RUFY1: variants seen among roughly 807,000 people sequenced by gnomAD.
The protein encoded by RUFY1 is RUN and FYVE domain-containing protein 1.
In RUFY1, 54 loss-of-function variants were observed where a neutral mutation model predicts 94.6. The ratio of observed to expected loss-of-function variants is 0.57; its 90% CI spans 0.46 to 0.72. The LOEUF (loss-of-function observed/expected upper bound fraction) is 0.72. Ranked by LOEUF, RUFY1 falls within the 30% of genes least tolerant of loss-of-function variation. The pLI, the probability that RUFY1 is intolerant of heterozygous loss-of-function variation, is 0.00. For missense variants in RUFY1, 883 were observed against 883.9 expected (o/e 1.00, Z 0.01); for synonymous variants, 396 against 347.3 (o/e 1.14, Z -1.56).
intron 6 of RUFY1, among the ~76,000 whole-genome samples, chr5:179,579,370 G>A (rs1401653368): frequency 1.3e-5 from 2 of 150,948 alleles, no homozygotes; most frequent in East Asian, 3.9e-4. Context: ...CGCTCTTATT[G>A]CCCAGGCTGG....
chr5:179,561,678 C>CTTTTTTTTTTTT (rs71001004), intron 2 of RUFY1, among the ~76,000 whole-genome samples: 10 of 64,608 alleles, frequency 1.5e-4, no homozygotes, highest in East Asian at 4.4e-4. Context: ...TTTTTTCTTT[C>CTTTTTTTTTTTT]TTTTTTTTTT....
In RUFY1 at chr5:179,598,837, C is replaced by CCGGG. The variant is rs770458424; in HGVS notation, c.1761+17_1761+20dup. 1.1e-5 allele frequency: 18 copies of CCGGG among 1,613,778 alleles called. No individual in the cohort carries two copies. Among genetic ancestry groups the CCGGG allele is most frequent in the Non-Finnish European group, 1.5e-5 (18 of 1,179,874 alleles). On this transcript the variant is annotated intron_variant, in intron 14 of 17. Transcript: ENST00000319449. ...ACTGAAAAAGGTGAGGTGGGCCATC[C>CCGGG]CGGGAGAGGAGAGCCTCTGGCAGCC...
chr5:179,594,092 AG>A (rs1765337423), intron 11 of RUFY1, among the ~76,000 whole-genome samples: 4 of 151,934 alleles, frequency 2.6e-5, no homozygotes, highest in Admixed American at 2.0e-4. Context: ...TCACGAGGTC[AG>A]GAGTTTGAGA....
chr5:179,582,128 A>G (rs928565396), intron 7 of RUFY1, among the ~76,000 whole-genome samples: 1 of 152,098 alleles, frequency 6.6e-6, no homozygotes, highest in Admixed American at 6.6e-5. Context: ...CATGGTTTTC[A>G]TCCCATAATC....
At chr5:179,562,925 AGGAACTACTG>A (rs536797739) in intron 3 of RUFY1, 90 of 359,522 alleles carry the variant, frequency 2.5e-4, no homozygotes, top group Non-Finnish European at 4.1e-4. Flanking sequence ...CAGGAGGAAA[AGGAACTACTG>A]GTACACTCCT....
chr5:179,574,223 G>A (rs1763445601), intron 5 of RUFY1, among the ~76,000 whole-genome samples: 1 of 151,860 alleles, frequency 6.6e-6, no homozygotes, highest in Non-Finnish European at 1.5e-5. Flanking sequence ...GGTGAAACCT[G>A]GTCTCTACCA....
At position 179,569,303 on chromosome 5, in the gene RUFY1, G is replaced by A. The variant is rs762164654; in HGVS notation, c.706G>A (p.Glu236Lys). 1 of 1,613,842 alleles carries A rather than the reference G, an allele frequency of 6.2e-7. No homozygotes were observed. Among genetic ancestry groups the A allele is most frequent in the Non-Finnish European group, 8.5e-7 (1 of 1,179,962 alleles). Residue 236 changes from glutamate to lysine, a missense_variant and splice_region_variant, in exon 5 of 18, where the codon GAG becomes AAG. Transcript: ENST00000319449. ...VLIDNKHLLS[E>K]FYEPEALMME... ...CCCTGTCCTGTCCATCTCTTTCAGC[G>A]AGTTCTATGAGCCTGAGGCTTTAAT...
At chr5:179,598,362 CAAAAAA>C in intron 13 of RUFY1, 1 of 281,192 alleles carries the variant, frequency 3.6e-6, no homozygotes, top group Non-Finnish European at 6.8e-6. Flanking sequence ...GACCCTGTCT[CAAAAAA>C]AGAAAAGAAC....
At position 179,560,141 on chromosome 5, in the gene RUFY1, G is replaced by C; in HGVS notation, c.427G>C (p.Ala143Pro). The C allele has an allele frequency of 6.2e-7, 1 of 1,614,090 alleles. No individual in the cohort carries two copies. The highest frequency in any genetic ancestry group is 8.5e-7 in the Non-Finnish European group (1 of 1,180,004). Residue 143 changes from alanine (A) to proline (P), a missense_variant, in exon 2 of 18, where the codon GCC (alanine) becomes CCC (proline). Physicochemically the swap from Ala to Pro is conservative, Grantham distance 27 (BLOSUM62 -1). Coordinates refer to ENST00000319449, the MANE Select transcript of RUFY1 (RefSeq NM_025158.5). ...GGGCCGCAGCCTGGATGCGGACCAT[G>C]CCCCCTTGCAGCAGTTCTTTGTAGT... ...SLGRSLDADH[A>P]PLQQFFVVME...
chr5:179,594,386 G>GTAGC (rs1765380060), intron 11 of RUFY1, among the ~76,000 whole-genome samples: 1 of 151,078 alleles, frequency 6.6e-6, no homozygotes, highest in Non-Finnish European at 1.5e-5. Context: ...GGCCACATAG[G>GTAGC]TAGCTGGTTG....
chr5:179,553,560 G>A, intron 1 of RUFY1, among the ~76,000 whole-genome samples: 1 of 151,950 alleles, frequency 6.6e-6, no homozygotes, highest in East Asian at 1.9e-4. Flanking sequence ...GAGGCAGGCA[G>A]ATCACCTGAG....
chr5:179,550,841 T>A lies in RUFY1; in HGVS notation c.272T>A (p.Leu91Gln). 8.2e-7 allele frequency: 1 copy of A among 1,225,864 alleles called. No individual in the cohort carries two copies. The highest frequency in any genetic ancestry group is 1.0e-6 in the Non-Finnish European group (1 of 987,766). The allele number at this position is 1,225,864 out of a possible 1,614,324, so 75.9% of individuals were successfully genotyped here. The change falls in exon 1 of 18, where the codon CTG becomes CAG. Residue 91 changes from leucine (L) to glutamine (Q), a missense_variant. By Grantham distance (113) the Leu-to-Gln change is moderately radical (BLOSUM62 -2). Coordinates refer to ENST00000319449, the MANE Select transcript of RUFY1 (RefSeq NM_025158.5). Reference sequence around the variant, plus strand: ...AGCGCGCTGCGCGCGGCCGCGGGGCTGGGCGGCGGGGACAGCGGGGACGGC... The same window carrying A: ...AGCGCGCTGCGCGCGGCCGCGGGGCAGGGCGGCGGGGACAGCGGGGACGGC... ...CGSALRAAAG[L>Q]GGGDSGDGTA...
chr5:179,566,708 A>C (rs1762858448), intron 3 of RUFY1, among the ~76,000 whole-genome samples: 1 of 152,138 alleles, frequency 6.6e-6, no homozygotes, highest in Non-Finnish European at 1.5e-5. Flanking sequence ...AATGGTTAAC[A>C]TGGTAAATTT....
chr5:179,599,481 T>C (rs905565496), intron 14 of RUFY1: 2 of 152,366 alleles, frequency 1.3e-5, no homozygotes, highest in Non-Finnish European at 1.5e-5. Flanking sequence ...TTCCCCTACA[T>C]CACCTCAGTT....
intron 9 of RUFY1, among the ~76,000 whole-genome samples, chr5:179,591,141 T>G (rs540356850): frequency 2.0e-5 from 3 of 149,178 alleles, no homozygotes; most frequent in Non-Finnish European, 3.0e-5. Context: ...CCTATGAACT[T>G]AACTTTTCAA....
At chr5:179,606,210 CGGAGA>C (rs954516805) in intron 16 of RUFY1, 5 of 498,148 alleles carry the variant, frequency 1.0e-5, no homozygotes, top group African/African-American at 9.8e-5. Flanking sequence ...AAGCAGGTGG[CGGAGA>C]GGAGGGACCC....
chr5:179,607,780 T>C (rs900497590), intron 17 of RUFY1, 121 bp downstream of exon 17: 1 of 824,932 alleles, frequency 1.2e-6, no homozygotes, highest in Non-Finnish European at 2.0e-6. Context: ...GTGCTGACTG[T>C]GGCAGATGGG....
Position 179,581,017 on chromosome 5 carries a change from G to C in RUFY1, c.956+5G>C. On this transcript the variant is annotated splice_donor_5th_base_variant and intron_variant, in intron 7 of 17. Coordinates refer to ENST00000319449, the MANE Select transcript of RUFY1 (RefSeq NM_025158.5). ...AGAACTTAACCGGCACTTGAGGTAA[G>C]ACTCCTTTTTTTTTCAATGTGACAG... 6.3e-7 allele frequency: 1 copy of C among 1,589,156 alleles called. No individual in the cohort carries two copies. The highest frequency in any genetic ancestry group is 1.1e-5 in the South Asian group (1 of 88,940).
rs1767518595 is a variant in RUFY1, at chr5:179,609,591, T to G, written c.*72T>G. The G allele has an allele frequency of 7.3e-7, 1 of 1,365,864 alleles. No individual in the cohort carries two copies. The highest frequency in any genetic ancestry group is 1.5e-5 in the African/African-American group (1 of 67,914). 84.6% of individuals were successfully genotyped at this position (1,365,864 alleles called of 1,614,324 possible). A position where few individuals can be genotyped will look rare whatever the true frequency, so the allele number is the denominator to read the frequency against. The stretch of plus-strand genomic sequence containing the variant: ...TGGGTCTCCAGGGGCTTGGGAAATG[T>G]GTTCTTTCCCAAGAGTATCAAAGGA... On this transcript the variant is annotated 3_prime_UTR_variant, in exon 18 of 18. Coordinates refer to ENST00000319449, the MANE Select transcript of RUFY1 (RefSeq NM_025158.5).
Sources: allele counts gnomAD v4.1 joint callset (sites outside exome capture counted in the v4.1 genomes callset), GRCh38; gene constraint gnomAD v4.1.1; transcripts MANE v1.5; gene names NCBI Gene and HGNC (gene_info 2026-07-23, HGNC 2026-07-21).